The following SNX27 variants were observed in gnomAD, a reference collection of about 807,000 sequenced individuals.
SNX27 encodes the protein sorting nexin 27, also known as sorting nexin-27.
Under a neutral mutation model 71.6 loss-of-function variants are expected in SNX27, and 22 were observed. The observed-to-expected ratio is 0.31, with a 90% CI of 0.22 to 0.44. The LOEUF (loss-of-function observed/expected upper bound fraction) is 0.44. Ranked by LOEUF, SNX27 falls within the 20% of genes least tolerant of loss-of-function variation. The pLI is 1.00. For missense variants in SNX27, 531 were observed against 698.6 expected, an observed-to-expected ratio of 0.76 and a Z score of 2.70; for synonymous variants, 269 against 277.2, an observed-to-expected ratio of 0.97 and a Z score of 0.29.
chr1:151,692,542 G>A lies in SNX27; in HGVS notation c.1347G>A (p.Thr449=), dbSNP rs781281484. ...ACGTTATCACAGCCATCAGCATCAC[G>A]CACTTTAAACTGCATGCCTGCACTG... ...KGHVITAISI[T]HFKLHACTEE... is the part of the protein sequence containing the mutation. Residue 449 remains threonine, a synonymous_variant, in exon 9 of 12, where the codon ACG becomes ACA. Transcript: ENST00000458013. The A allele has an allele frequency of 4.7e-5, 76 of 1,606,690 alleles. No individual in the cohort carries two copies. In the South Asian group the frequency reaches 7.4e-4, roughly 16 times the overall value.
chr1:151,683,266 C>A, intron 7 of SNX27, 90 bp from the exon 8 acceptor site: 2 of 1,009,384 alleles, frequency 2.0e-6, no homozygotes, highest in East Asian at 5.1e-5. Context: ...AAGAGATTTT[C>A]TGAAAATGCG....
intron 2 of SNX27, among the ~76,000 whole-genome samples, chr1:151,646,191 T>C (rs1669026187): frequency 6.6e-6 from 1 of 152,156 alleles, no homozygotes; most frequent in South Asian, 2.1e-4. Flanking sequence ...CATGTCACCT[T>C]TCTTTCGGTT....
At position 151,675,439 on chromosome 1, in the gene SNX27, TTTTTC is replaced by T. The variant is rs770635818; in HGVS notation, c.1149+6814_1149+6818del. On this transcript the variant is annotated intron_variant, in intron 7 of 11. Coordinates refer to ENST00000458013, the MANE Select transcript of SNX27 (RefSeq NM_001330723.2). ...TTATAATTCTAATACAGATACAACC[TTTTTC>T]TTTTCTTTTTTCCTTTTTCATACAG... 5.3e-5 allele frequency among the ~76,000 whole-genome samples: 8 copies of T among 152,286 alleles called. No homozygotes were observed. In the Middle Eastern group the frequency reaches 0.01, roughly 194 times the overall value.
chr1:151,663,885 GA>G (rs1670072086), intron 5 of SNX27, among the ~76,000 whole-genome samples: 1 of 151,944 alleles, frequency 6.6e-6, no homozygotes, highest in Non-Finnish European at 1.5e-5. Context: ...CTTAACCAGT[GA>G]TTTCATTAAA....
chr1:151,653,670 A>G (rs1669539193), intron 2 of SNX27, among the ~76,000 whole-genome samples: 1 of 151,800 alleles, frequency 6.6e-6, no homozygotes, highest in Admixed American at 6.6e-5. Flanking sequence ...AGCACACGTC[A>G]TCACATCTGG....
chr1:151,622,983 TA>T (rs966453748), intron 1 of SNX27, among the ~76,000 whole-genome samples: 4 of 151,908 alleles, frequency 2.6e-5, no homozygotes, highest in African/African-American at 7.3e-5. Flanking sequence ...TTTATTTACT[TA>T]TTTTTTTTGA....
intron 1 of SNX27, among the ~76,000 whole-genome samples, chr1:151,629,638 C>T (rs1668124191): frequency 6.8e-6 from 1 of 147,154 alleles, no homozygotes; most frequent in Non-Finnish European, 1.5e-5. Flanking sequence ...GGCTGGAGTG[C>T]AGTGGGGCAA....
intron 7 of SNX27, among the ~76,000 whole-genome samples, chr1:151,674,067 T>A (rs144758560): frequency 6.8e-4 from 104 of 152,300 alleles, no homozygotes; most frequent in Non-Finnish European, 1.4e-3. Flanking sequence ...AAGGCCTTAC[T>A]CTTGCCATTT....
chr1:151,685,905 T>C (rs769778340), intron 8 of SNX27, among the ~76,000 whole-genome samples: 6 of 152,266 alleles, frequency 3.9e-5, no homozygotes, highest in Non-Finnish European at 7.3e-5. Flanking sequence ...AATTAAATCT[T>C]GGCAGAATTT....
intron 8 of SNX27, among the ~76,000 whole-genome samples, chr1:151,687,134 CCTCCCTTTCTGT>C (rs1235362765): frequency 6.6e-6 from 1 of 152,178 alleles, no homozygotes; most frequent in Non-Finnish European, 1.5e-5. Flanking sequence ...TTCCTCCCTC[CCTCCCTTTCTGT>C]CTCCTCACAC....
intron 2 of SNX27, among the ~76,000 whole-genome samples, chr1:151,648,715 A>T (rs1669181766): frequency 6.7e-6 from 1 of 149,590 alleles, no homozygotes; most frequent in African/African-American, 2.4e-5. Flanking sequence ...CACCATGCCC[A>T]GCCCATATTT....
chr1:151,665,911 A>T (rs1396055236), intron 5 of SNX27, 22 bp from the exon 6 acceptor site: 1 of 1,581,666 alleles, frequency 6.3e-7, no homozygotes. Context: ...TCTTGAAACC[A>T]ATCTATCCTG....
chr1:151,638,617 T>C (rs528134884), intron 1 of SNX27, among the ~76,000 whole-genome samples: 3 of 152,294 alleles, frequency 2.0e-5, no homozygotes, highest in South Asian at 2.1e-4. Flanking sequence ...TCAGCCTCTT[T>C]CCATGTGCGT....
intron 2 of SNX27, among the ~76,000 whole-genome samples, chr1:151,645,380 A>G (rs574430121): frequency 1.3e-5 from 2 of 152,100 alleles, no homozygotes; most frequent in Admixed American, 1.3e-4. Context: ...GTCATTTTGG[A>G]TTGTATCTTG....
At chr1:151,683,130 A>G (rs1408730483) in intron 7 of SNX27, among the ~76,000 whole-genome samples, 1 of 152,084 alleles carries the variant, frequency 6.6e-6, no homozygotes, top group Non-Finnish European at 1.5e-5. Flanking sequence ...GTCACCTCCC[A>G]CCGGGTCCCT....
Position 151,694,633 on chromosome 1 carries a change from A to G in SNX27, c.*216A>G. 2.1e-6 allele frequency: 1 copy of G among 479,260 alleles called. No homozygotes were observed. Among genetic ancestry groups the G allele is most frequent in the Middle Eastern group, 4.0e-4 (1 of 2,526 alleles). 29.7% of individuals were successfully genotyped at this position (479,260 alleles called of 1,614,324 possible). ...AGCAGATCGGTCAGCACCAGAAGTC[A>G]ACTGAGTTAAGGCAGGAAAAGAAAT... On this transcript the variant is annotated 3_prime_UTR_variant, in exon 12 of 12. Coordinates refer to ENST00000458013, the MANE Select transcript of SNX27 (RefSeq NM_001330723.2).
chr1:151,635,788 T>C (rs2102627227), intron 1 of SNX27, among the ~76,000 whole-genome samples: 1 of 152,330 alleles, frequency 6.6e-6, no homozygotes. Flanking sequence ...TTCCTGTCTT[T>C]TTTTAAAAGA....
chr1:151,690,356 T>C (rs1671381836), intron 8 of SNX27, among the ~76,000 whole-genome samples: 1 of 152,242 alleles, frequency 6.6e-6, no homozygotes, highest in Non-Finnish European at 1.5e-5. Flanking sequence ...TTAAAAGTAA[T>C]TTCCAGATAC....
At chr1:151,634,009 A>G in intron 1 of SNX27, among the ~76,000 whole-genome samples, 1 of 150,552 alleles carries the variant, frequency 6.6e-6, no homozygotes. Context: ...CTAGGAGTGG[A>G]ATTGCTGGGT....
Sources: allele counts gnomAD v4.1 joint callset (sites outside exome capture counted in the v4.1 genomes callset), GRCh38; gene constraint gnomAD v4.1.1; transcripts MANE v1.5; gene names NCBI Gene and HGNC (gene_info 2026-07-23, HGNC 2026-07-21).